MPP3: variants seen among roughly 807,000 people sequenced by gnomAD.
MPP3 encodes MAGUK p55 subfamily member 3.
MPP3 carries 48 observed loss-of-function variants against 80.7 expected under a neutral mutation model. That is an observed-to-expected ratio of 0.59 (90% CI 0.47 to 0.76). MPP3 has a LOEUF of 0.76. MPP3 is among the 30% of genes least tolerant of loss of function. MPP3 has a pLI of 0.00. For synonymous variants in MPP3, 311 were observed against 297.6 expected, an observed-to-expected ratio of 1.04 and a Z score of -0.46; for missense variants, 620 against 763.0, an observed-to-expected ratio of 0.81 and a Z score of 2.21.
intron 8 of MPP3, 61 bp from the exon 9 acceptor site, chr17:43,825,902 A>C: frequency 2.8e-6 from 3 of 1,065,218 alleles, no homozygotes; most frequent in Non-Finnish European, 2.9e-6. Context: ...CCTCGCTCAG[A>C]GCTCCAAGCA....
intron 3 of MPP3, 29 bp from the exon 4 acceptor site, chr17:43,831,706 AGCAAAC>A: frequency 1.3e-6 from 2 of 1,570,230 alleles, no homozygotes; most frequent in South Asian, 2.2e-5. Context: ...AACAAAGGAT[AGCAAAC>A]GCAGTGGGTG....
chr17:43,811,860 T>G (rs2044877331), intron 16 of MPP3, among the ~76,000 whole-genome samples: 1 of 152,230 alleles, frequency 6.6e-6, no homozygotes, highest in Non-Finnish European at 1.5e-5. Flanking sequence ...CCCAAAGTGC[T>G]GGGATTACAG....
chr17:43,831,153 G>A lies in MPP3; in HGVS notation c.222+91C>T, dbSNP rs774612458. 1.8e-4 allele frequency: 217 copies of A among 1,188,138 alleles called. No homozygotes were observed. In the Middle Eastern group the frequency reaches 8.6e-3, roughly 47 times the overall value. The allele number at this position is 1,188,138 out of a possible 1,614,324, so 73.6% of individuals were successfully genotyped here. The stretch of plus-strand genomic sequence containing the variant: ...TTCACCTTTGGGCTCCTGATTCCCG[G>A]TGTCCCCACACTAAGCAAGCGAGGC... On this transcript the variant is annotated intron_variant, in intron 5 of 19. Transcript: ENST00000398389.
At chr17:43,804,569 G>A (rs1269454506) in intron 19 of MPP3, among the ~76,000 whole-genome samples, 1 of 152,158 alleles carries the variant, frequency 6.6e-6, no homozygotes, top group Non-Finnish European at 1.5e-5. Flanking sequence ...AAATGTAACT[G>A]CTACAACTAT....
rs1314407409 is a variant in MPP3, at chr17:43,810,877, C to G, written c.1388G>C (p.Gly463Ala). ...EHGEYKENLY[G>A]TSLEAIQAVM... ...AGCCTGAATGGCCTCCAGGCTGGTT[C>G]CATACAGATTTTCCTTATATTCACC... Residue 463 changes from glycine to alanine, a missense_variant, in exon 18 of 20, where the codon GGA becomes GCA. Coordinates refer to ENST00000398389, the MANE Select transcript of MPP3 (RefSeq NM_001932.6). The G allele has an allele frequency of 1.9e-6, 3 of 1,610,572 alleles. No homozygotes were observed. The African/African-American group carries it at 4.0e-5, about 22-fold the overall frequency.
At chr17:43,822,946 C>A (rs554674090) in intron 10 of MPP3, among the ~76,000 whole-genome samples, 2 of 152,196 alleles carry the variant, frequency 1.3e-5, no homozygotes, top group South Asian at 2.1e-4. Context: ...GCTCCCAGGG[C>A]CCCTGGGTGG....
At chr17:43,829,959 G>A (rs775288585) in intron 6 of MPP3, 68 bp downstream of exon 6, 2 of 1,568,346 alleles carry the variant, frequency 1.3e-6, no homozygotes, top group Non-Finnish European at 1.7e-6. Context: ...GCCTCATTAG[G>A]AGAGCTCCCT....
chr17:43,828,326 G>C (rs1567826750), intron 7 of MPP3, among the ~76,000 whole-genome samples: 1 of 152,174 alleles, frequency 6.6e-6, no homozygotes, highest in Non-Finnish European at 1.5e-5. Context: ...ACCAGGACTT[G>C]GCCCATGAAG....
chr17:43,811,306 T>C lies in MPP3; in HGVS notation c.1256-101A>G, dbSNP rs535179036. ...CTCATTTGGGAGTTCACTGCTGCTGTGTCTAAACCAGGCACTTCCACCTCA... is the reference window on the plus strand; with the variant it reads ...CTCATTTGGGAGTTCACTGCTGCTGCGTCTAAACCAGGCACTTCCACCTCA... On this transcript the variant is annotated intron_variant, in intron 16 of 19. Transcript: ENST00000398389. The C allele has an allele frequency of 8.0e-6, 7 of 871,204 alleles. No individual in the cohort carries two copies. The East Asian group carries it at 1.7e-4, about 22-fold the overall frequency. The allele number at this position is 871,204 out of a possible 1,614,324, so 54.0% of individuals were successfully genotyped here.
intron 19 of MPP3, among the ~76,000 whole-genome samples, chr17:43,805,836 T>C (rs2044591782): frequency 6.6e-6 from 1 of 152,214 alleles, no homozygotes; most frequent in South Asian, 2.1e-4. Context: ...AGGTTTCTTT[T>C]TGAAGTGATG....
At position 43,808,998 on chromosome 17, in the gene MPP3, C is replaced by T. The variant is rs777917676; in HGVS notation, c.1539G>A (p.Thr513=). The change falls in exon 19 of 20, where the codon ACG becomes ACA. Residue 513 remains threonine, a synonymous_variant. Coordinates refer to ENST00000398389, the MANE Select transcript of MPP3 (RefSeq NM_001932.6). ...VKPAIQEKRK[T]PPMSPACEDT... ...CCTCACAAGCTGGGGACATAGGTGGCGTTTTTCTTTTTTCCTGAATTGCAG... is the reference window on the plus strand; with the variant it reads ...CCTCACAAGCTGGGGACATAGGTGGTGTTTTTCTTTTTTCCTGAATTGCAG... The T allele has an allele frequency of 1.4e-5, 22 of 1,610,482 alleles. No homozygotes were observed. Among genetic ancestry groups the T allele is most frequent in the East Asian group, 8.9e-5 (4 of 44,856 alleles).
intron 10 of MPP3, among the ~76,000 whole-genome samples, chr17:43,822,772 T>C (rs1244721984): frequency 1.3e-5 from 2 of 150,414 alleles, no homozygotes; most frequent in African/African-American, 4.9e-5. Context: ...GACCATTCAG[T>C]GCAGCCTGGG....
At chr17:43,829,833 C>T (rs780850773) in intron 6 of MPP3, 42 bp from the exon 7 acceptor site, 2 of 1,612,058 alleles carry the variant, frequency 1.2e-6, no homozygotes, top group East Asian at 4.5e-5. Context: ...GCCCGCCGCT[C>T]ACAGGGTCAG....
intron 13 of MPP3, 118 bp downstream of exon 13, chr17:43,816,559 G>C: frequency 2.1e-6 from 2 of 940,536 alleles, no homozygotes; most frequent in Non-Finnish European, 3.4e-6. Flanking sequence ...GAAGAGGTGC[G>C]CAGACAGTGG....
intron 4 of MPP3, 110 bp from the exon 5 acceptor site, chr17:43,831,431 A>G: frequency 1.5e-6 from 2 of 1,370,170 alleles, no homozygotes; most frequent in Non-Finnish European, 2.1e-6. Flanking sequence ...CCATAAGAGA[A>G]AGTCCTGTGT....
chr17:43,832,192 TGACTGC>T, intron 2 of MPP3: 1 of 504,862 alleles, frequency 2.0e-6, no homozygotes, highest in Non-Finnish European at 3.4e-6. Context: ...TCCTGAGAAA[TGACTGC>T]GAATGTTCCC....
At chr17:43,827,316 TTTTTTTTTTTTTC>T (rs2045752456) in intron 8 of MPP3, among the ~76,000 whole-genome samples, 1 of 142,504 alleles carries the variant, frequency 7.0e-6, no homozygotes, top group African/African-American at 2.6e-5. Context: ...GTGCCTGGCT[TTTTTTTTTTTTTC>T]TTTTTTTTTT....
intron 7 of MPP3, among the ~76,000 whole-genome samples, chr17:43,829,420 C>T (rs1325684919): frequency 1.3e-5 from 2 of 152,184 alleles, no homozygotes; most frequent in African/African-American, 4.8e-5. Flanking sequence ...TCACCCTGTA[C>T]AATTGTGCAG....
At chr17:43,814,618 ATC>A in intron 14 of MPP3, 1 of 371,324 alleles carries the variant, frequency 2.7e-6, no homozygotes, top group South Asian at 8.7e-5. Flanking sequence ...AAGTCCCTTC[ATC>A]TCTCTGAGCC....
Sources: allele counts gnomAD v4.1 joint callset (sites outside exome capture counted in the v4.1 genomes callset), GRCh38; gene constraint gnomAD v4.1.1; transcripts MANE v1.5; gene names NCBI Gene and HGNC (gene_info 2026-07-23, HGNC 2026-07-21).